The following COL27A1 variants were observed in gnomAD, a reference collection of about 807,000 sequenced individuals.
COL27A1 encodes the protein collagen type XXVII alpha 1 chain, also known as collagen alpha-1(XXVII) chain.
Under a neutral mutation model 251.3 loss-of-function variants are expected in COL27A1, and 106 were observed. The ratio of observed to expected loss-of-function variants is 0.42; its 90% CI spans 0.36 to 0.50. The LOEUF (loss-of-function observed/expected upper bound fraction) is 0.50. Ranked by LOEUF, COL27A1 falls within the 20% of genes least tolerant of loss-of-function variation. The pLI is 0.00. For synonymous variants in COL27A1, 1,000 were observed against 986.3 expected (o/e 1.01, Z -0.26); for missense variants, 2,325 against 2,522.8 (o/e 0.92, Z 1.68).
At chr9:114,175,904 A>T (rs1207370920) in intron 3 of COL27A1, among the ~76,000 whole-genome samples, 1 of 151,992 alleles carries the variant, frequency 6.6e-6, no homozygotes. Flanking sequence ...AATTACCCCC[A>T]CCTTGGCTTT....
At chr9:114,260,003 G>A (rs960182182) in intron 28 of COL27A1, among the ~76,000 whole-genome samples, 3 of 148,308 alleles carry the variant, frequency 2.0e-5, no homozygotes, top group African/African-American at 7.4e-5. Context: ...GGTGGGGGGG[G>A]GGTCTCTTCA....
intron 7 of COL27A1, among the ~76,000 whole-genome samples, chr9:114,196,402 C>A (rs905375236): frequency 6.6e-6 from 1 of 152,220 alleles, no homozygotes; most frequent in Non-Finnish European, 1.5e-5. Flanking sequence ...CTGTCTCTGC[C>A]CCTCAGCCTC....
intron 27 of COL27A1, among the ~76,000 whole-genome samples, chr9:114,255,989 G>A (rs563275195): frequency 5.1e-4 from 78 of 152,286 alleles, no homozygotes; most frequent in African/African-American, 1.8e-3. Flanking sequence ...TGCATGATGT[G>A]GTGTCTCACA....
At chr9:114,262,586 G>A (rs892000961) in intron 28 of COL27A1, among the ~76,000 whole-genome samples, 1 of 152,244 alleles carries the variant, frequency 6.6e-6, no homozygotes, top group Non-Finnish European at 1.5e-5. Flanking sequence ...TGAGCTGCCT[G>A]TGGGCATCGC....
At chr9:114,257,521 C>T (rs923601) in intron 27 of COL27A1, among the ~76,000 whole-genome samples, 74,368 of 151,926 alleles carry the variant, frequency 0.49, 19,280 homozygotes, top group African/African-American at 0.68. Context: ...GGCCAGGTGC[C>T]GAGAATTCCA....
intron 49 of COL27A1, among the ~76,000 whole-genome samples, chr9:114,298,954 A>C (rs1211223427): frequency 1.3e-5 from 2 of 152,240 alleles, no homozygotes; most frequent in Non-Finnish European, 2.9e-5. Flanking sequence ...TCCAAATTTA[A>C]AACGGACAAA....
chr9:114,196,289 G>A (rs1004215496), intron 7 of COL27A1, among the ~76,000 whole-genome samples: 4 of 152,194 alleles, frequency 2.6e-5, no homozygotes, highest in Non-Finnish European at 5.9e-5. Flanking sequence ...GGGCCCAGCC[G>A]CTCCCAGGGA....
At chr9:114,206,350 T>TA in intron 10 of COL27A1, 54 bp downstream of exon 10, 1 of 1,579,480 alleles carries the variant, frequency 6.3e-7, no homozygotes, top group Non-Finnish European at 8.7e-7. Context: ...GAGCATCACC[T>TA]GTCCCTCCAG....
chr9:114,210,704 A>G (rs1830292713), intron 11 of COL27A1, among the ~76,000 whole-genome samples: 1 of 151,952 alleles, frequency 6.6e-6, no homozygotes, highest in Non-Finnish European at 1.5e-5. Flanking sequence ...TGTAACCTCC[A>G]TAAGCTGGGT....
rs760041229 is a variant in COL27A1, at chr9:114,290,150, G to T, written c.4260+39G>T. The T allele has an allele frequency of 6.3e-7, 1 of 1,593,536 alleles. No individual in the cohort carries two copies. The highest frequency in any genetic ancestry group is 2.3e-5 in the East Asian group (1 of 44,430). ...GCTGCTGTTTCCAGCCAACCTCCCT[G>T]CCCGCCCCCCACACCCGCCCTCCTC... On this transcript the variant is annotated intron_variant, in intron 46 of 60. Coordinates refer to ENST00000356083, the MANE Select transcript of COL27A1 (RefSeq NM_032888.4). The surrounding 1 kb of genome is among the most constrained non-coding windows in gnomAD (Gnocchi z 4.6).
Position 114,206,211 on chromosome 9 carries a change from C to T in COL27A1, c.2224-41C>T, listed in dbSNP as rs537568723. 15 of 1,599,806 alleles carry T rather than the reference C, an allele frequency of 9.4e-6. 1 individual carries two copies. In the African/African-American group the frequency reaches 1.9e-4, roughly 20 times the overall value. ...GCCCCAGGATTGGCAGCAGGTAGAG[C>T]GTCTCCATATGTCCTTGCCCCTCTG... On this transcript the variant is annotated intron_variant, in intron 9 of 60. Transcript: ENST00000356083.
At chr9:114,276,001 T>A (rs1283891690) in intron 37 of COL27A1, among the ~76,000 whole-genome samples, 1 of 152,174 alleles carries the variant, frequency 6.6e-6, no homozygotes, top group Non-Finnish European at 1.5e-5. Flanking sequence ...GCAAACCTGG[T>A]CCCTGCCGAC....
At chr9:114,200,682 G>A (rs745658945) in intron 7 of COL27A1, among the ~76,000 whole-genome samples, 19 of 152,220 alleles carry the variant, frequency 1.2e-4, no homozygotes, top group Non-Finnish European at 2.5e-4. Context: ...GACACTTGGA[G>A]AGGCCAGCTG....
At chr9:114,272,161 T>C (rs2135642551) in intron 36 of COL27A1, 1 of 152,330 alleles carries the variant, frequency 6.6e-6, no homozygotes, top group South Asian at 2.1e-4. Context: ...TTTATGTGAA[T>C]TAACCCATTT....
At chr9:114,309,571 T>A in intron 60 of COL27A1, 93 bp downstream of exon 60, 1 of 873,162 alleles carries the variant, frequency 1.1e-6, no homozygotes, top group Non-Finnish European at 1.8e-6. Context: ...AGATTATATC[T>A]AACATTTTAA....
chr9:114,305,227 T>C (rs548921609), intron 57 of COL27A1, among the ~76,000 whole-genome samples: 13 of 152,258 alleles, frequency 8.5e-5, no homozygotes, highest in African/African-American at 3.1e-4. Flanking sequence ...CCTATGAACA[T>C]TTCGGTTTGT....
intron 4 of COL27A1, among the ~76,000 whole-genome samples, chr9:114,182,572 T>C (rs57809052): frequency 0.022 from 3,329 of 152,024 alleles, 87 homozygotes; most frequent in East Asian, 0.13. Context: ...GGGAAATGCA[T>C]AGCTAAGTGT....
chr9:114,190,173 A>G (rs1352225089), intron 5 of COL27A1, among the ~76,000 whole-genome samples: 2 of 152,204 alleles, frequency 1.3e-5, no homozygotes, highest in Non-Finnish European at 2.9e-5. Context: ...TTTGTGAAAC[A>G]TTTTATGTTG....
At chr9:114,222,356 A>G in intron 14 of COL27A1, 89 bp downstream of exon 14, 1 of 1,252,686 alleles carries the variant, frequency 8.0e-7, no homozygotes, top group Non-Finnish European at 1.1e-6. Context: ...CAGGCCCTGC[A>G]GGGGAGGTTG....
Sources: allele counts gnomAD v4.1 joint callset (sites outside exome capture counted in the v4.1 genomes callset), GRCh38; gene constraint gnomAD v4.1.1; non-coding constraint Gnocchi (gnomAD v3.1); transcripts MANE v1.5; gene names NCBI Gene and HGNC (gene_info 2026-07-23, HGNC 2026-07-21).